TENM3: variants seen among roughly 807,000 people sequenced by gnomAD.
The protein encoded by TENM3 is teneurin transmembrane protein 3.
In TENM3, 63 loss-of-function variants were observed where a neutral mutation model predicts 255.1. The ratio of observed to expected loss-of-function variants is 0.25; its 90% CI spans 0.20 to 0.30. TENM3 has a LOEUF of 0.30. Among genes scored for constraint, TENM3 ranks in the 10% least tolerant of loss-of-function variants. The pLI is 1.00. For missense variants in TENM3, 2,929 were observed against 3,461.1 expected, an observed-to-expected ratio of 0.85 and a Z score of 3.86; for synonymous variants, 1,306 against 1,322.3, an observed-to-expected ratio of 0.99 and a Z score of 0.27.
At chr4:181,839,378 T>C in the TENM3 span, among the ~76,000 whole-genome samples, 60 of 50,880 alleles carry the variant, frequency 1.2e-3, 7 homozygotes, top group African/African-American at 3.2e-3. Flanking sequence ...TATATATATA[T>C]ATATATACAC....
intron 1 of TENM3, among the ~76,000 whole-genome samples, chr4:182,153,029 A>T (rs1750450979): frequency 6.6e-6 from 1 of 151,898 alleles, no homozygotes; most frequent in Non-Finnish European, 1.5e-5. Flanking sequence ...AATTTAAATT[A>T]TCTACACTTG....
At chr4:182,037,004 T>C in the TENM3 span, among the ~76,000 whole-genome samples, 1 of 152,180 alleles carries the variant, frequency 6.6e-6, no homozygotes, top group African/African-American at 2.4e-5. Flanking sequence ...TTATATACTT[T>C]TTAAAAAGTA....
chr4:182,620,627 G>A (rs1206188137), intron 4 of TENM3, among the ~76,000 whole-genome samples: 1 of 152,210 alleles, frequency 6.6e-6, no homozygotes, highest in African/African-American at 2.4e-5. Flanking sequence ...TTTGTAAGTA[G>A]TTTCAAAATA....
At chr4:181,712,383 G>C in the TENM3 span, among the ~76,000 whole-genome samples, 1 of 151,968 alleles carries the variant, frequency 6.6e-6, no homozygotes, top group Non-Finnish European at 1.5e-5. Flanking sequence ...TAAGTTTGTG[G>C]GACCTCCCCA....
intron 3 of TENM3, among the ~76,000 whole-genome samples, chr4:182,435,932 G>T (rs1001560902): frequency 2.0e-5 from 3 of 151,260 alleles, no homozygotes; most frequent in Non-Finnish European, 2.9e-5. Context: ...AAGTCTTGTT[G>T]ATCCTTCAGA....
chr4:182,210,585 AC>A (rs1439145739), intron 1 of TENM3, among the ~76,000 whole-genome samples: 4 of 147,490 alleles, frequency 2.7e-5, no homozygotes, highest in Non-Finnish European at 6.0e-5. Context: ...ATTTTTTAGA[AC>A]TGTCTCGCTG....
At chr4:181,584,062 A>G in the TENM3 span, among the ~76,000 whole-genome samples, 7 of 152,144 alleles carry the variant, frequency 4.6e-5, no homozygotes, top group East Asian at 3.9e-4. Flanking sequence ...GCCTTTCAAT[A>G]TTTCTCCAGC....
chr4:181,553,602 C>T, the TENM3 span, among the ~76,000 whole-genome samples: 7 of 151,756 alleles, frequency 4.6e-5, no homozygotes, highest in Non-Finnish European at 7.4e-5. Context: ...CCACCACGCC[C>T]GGCTAATTTT....
intron 3 of TENM3, among the ~76,000 whole-genome samples, chr4:182,561,027 A>T (rs1743114728): frequency 6.6e-6 from 1 of 152,154 alleles, no homozygotes; most frequent in African/African-American, 2.4e-5. Context: ...GTTTAATTTG[A>T]GGAACATTTC....
At chr4:182,598,643 T>C (rs1747525212) in intron 3 of TENM3, among the ~76,000 whole-genome samples, 1 of 152,218 alleles carries the variant, frequency 6.6e-6, no homozygotes, top group African/African-American at 2.4e-5. Flanking sequence ...TATTTTACCA[T>C]TTACACAGAG....
the TENM3 span, among the ~76,000 whole-genome samples, chr4:181,597,776 T>C: frequency 6.6e-6 from 1 of 152,208 alleles, no homozygotes; most frequent in Non-Finnish European, 1.5e-5. Flanking sequence ...CAGTTTTAAA[T>C]GTTTCCATCA....
chr4:182,157,262 C>G (rs903525110), intron 1 of TENM3, among the ~76,000 whole-genome samples: 3 of 152,196 alleles, frequency 2.0e-5, no homozygotes, highest in Non-Finnish European at 2.9e-5. Flanking sequence ...CCCCCCAACC[C>G]AGTCGAGGCC....
At chr4:181,551,667 G>T in the TENM3 span, among the ~76,000 whole-genome samples, 2 of 152,226 alleles carry the variant, frequency 1.3e-5, no homozygotes, top group East Asian at 3.9e-4. Context: ...AAAAGAGATG[G>T]CCTAAATCGT....
At chr4:181,782,513 C>A in the TENM3 span, among the ~76,000 whole-genome samples, 1 of 151,964 alleles carries the variant, frequency 6.6e-6, no homozygotes, top group African/African-American at 2.4e-5. Flanking sequence ...TCTCTCTTTT[C>A]TTCTTTATCA....
chr4:182,411,460 T>C (rs545739971), intron 3 of TENM3, among the ~76,000 whole-genome samples: 2 of 152,290 alleles, frequency 1.3e-5, no homozygotes, highest in South Asian at 4.1e-4. Flanking sequence ...GTTCTGAGTA[T>C]GGCATTGATT....
chr4:182,592,101 A>G (rs1382353511), intron 3 of TENM3, among the ~76,000 whole-genome samples: 1 of 150,364 alleles, frequency 6.7e-6, no homozygotes, highest in Non-Finnish European at 1.5e-5. Flanking sequence ...AAAAATGTTG[A>G]ATTTATAATA....
At position 182,585,277 on chromosome 4, in the gene TENM3, G is replaced by A. The variant is rs578149651; in HGVS notation, c.512-15647G>A. On this transcript the variant is annotated intron_variant, in intron 3 of 27. Transcript: ENST00000511685. ...AGGAAATTGATGATATAGTTACTAA[G>A]TTTGGGACAGGGAGCTTAAACTGTC... is the stretch of plus-strand genomic sequence containing the variant. 1.1e-4 allele frequency among the ~76,000 whole-genome samples: 17 copies of A among 152,274 alleles called. 1 individual carries two copies. In the South Asian group the frequency reaches 3.5e-3, roughly 32 times the overall value.
At chr4:181,553,468 G>A in the TENM3 span, among the ~76,000 whole-genome samples, 6 of 151,998 alleles carry the variant, frequency 3.9e-5, no homozygotes, top group South Asian at 2.1e-4. Flanking sequence ...TTGAGGCGGA[G>A]TCTGGCTCTG....
the TENM3 span, among the ~76,000 whole-genome samples, chr4:181,641,278 G>C: frequency 1.3e-5 from 2 of 151,544 alleles, no homozygotes; most frequent in African/African-American, 4.9e-5. Context: ...GGTGTTTGCT[G>C]CACCCATCAA....
Sources: allele counts gnomAD v4.1 joint callset (sites outside exome capture counted in the v4.1 genomes callset), GRCh38; gene constraint gnomAD v4.1.1; transcripts MANE v1.5; gene names NCBI Gene and HGNC (gene_info 2026-07-23, HGNC 2026-07-21).